The following TANC2 variants were observed in gnomAD, a reference collection of about 807,000 sequenced individuals.
TANC2 encodes the protein protein TANC2.
Under a neutral mutation model 210.5 loss-of-function variants are expected in TANC2, and 26 were observed. The observed-to-expected ratio is 0.12, with a 90% CI of 0.09 to 0.17. TANC2 has a LOEUF of 0.17. Among genes scored for constraint, TANC2 ranks in the 10% least tolerant of loss-of-function variants. TANC2 has a pLI of 1.00. For missense variants in TANC2, 2,129 were observed against 2,608.9 expected, an observed-to-expected ratio of 0.82 and a Z score of 4.01; for synonymous variants, 931 against 967.1, an observed-to-expected ratio of 0.96 and a Z score of 0.69.
chr17:63,162,490 T>A (rs1045483712), intron 5 of TANC2, among the ~76,000 whole-genome samples: 8 of 152,190 alleles, frequency 5.3e-5, no homozygotes, highest in African/African-American at 1.9e-4. Context: ...TTATTTTAAA[T>A]AAACTAGAAT....
intron 5 of TANC2, among the ~76,000 whole-genome samples, chr17:63,164,462 T>C (rs1409602695): frequency 6.6e-6 from 1 of 152,112 alleles, no homozygotes; most frequent in East Asian, 1.9e-4. Context: ...ACTGCAGTAA[T>C]TATAAGTTTT....
intron 4 of TANC2, among the ~76,000 whole-genome samples, chr17:63,101,523 T>A (rs1156484590): frequency 2.6e-5 from 4 of 152,202 alleles, no homozygotes; most frequent in Non-Finnish European, 4.4e-5. Context: ...GCAGTTTGCT[T>A]ATTATTCTTC....
intron 14 of TANC2, among the ~76,000 whole-genome samples, chr17:63,366,077 T>TA (rs1177992204): frequency 3.3e-5 from 5 of 151,982 alleles, no homozygotes; most frequent in African/African-American, 1.2e-4. Context: ...GATGACGAAC[T>TA]AATGAGCCAA....
At chr17:63,268,469 C>T (rs2043597280) in intron 9 of TANC2, among the ~76,000 whole-genome samples, 2 of 152,214 alleles carry the variant, frequency 1.3e-5, no homozygotes, top group South Asian at 4.1e-4. Flanking sequence ...CTTGTTTAGA[C>T]CCAAGTCCTA....
chr17:63,219,172 A>G (rs952155780), intron 7 of TANC2, among the ~76,000 whole-genome samples: 1 of 152,170 alleles, frequency 6.6e-6, no homozygotes, highest in Non-Finnish European at 1.5e-5. Flanking sequence ...TTAAGATGTC[A>G]ATTCTTTCTA....
intron 8 of TANC2, among the ~76,000 whole-genome samples, chr17:63,254,537 A>G (rs2043136447): frequency 6.6e-6 from 1 of 152,158 alleles, no homozygotes; most frequent in Non-Finnish European, 1.5e-5. Context: ...GAAAGTGGGC[A>G]TCCTTGTCTT....
intron 26 of TANC2, among the ~76,000 whole-genome samples, chr17:63,417,583 AAAAG>A (rs1266559134): frequency 6.6e-6 from 1 of 152,186 alleles, no homozygotes; most frequent in African/African-American, 2.4e-5. Flanking sequence ...ACCAGTTAAA[AAAAG>A]GAACAGATCA....
intron 3 of TANC2, among the ~76,000 whole-genome samples, chr17:63,097,685 C>T (rs1231083155): frequency 6.6e-6 from 1 of 151,960 alleles, no homozygotes; most frequent in Non-Finnish European, 1.5e-5. Flanking sequence ...TAAGCTTGTT[C>T]TAGATGTTAG....
At chr17:63,386,704 T>C (rs2047790225) in intron 15 of TANC2, among the ~76,000 whole-genome samples, 1 of 152,236 alleles carries the variant, frequency 6.6e-6, no homozygotes, top group African/African-American at 2.4e-5. Context: ...ACTAATGTGT[T>C]AATAGGAGTC....
intron 3 of TANC2, among the ~76,000 whole-genome samples, chr17:63,090,819 C>T (rs1703253570): frequency 6.6e-6 from 1 of 150,920 alleles, no homozygotes. Flanking sequence ...TTTACAGTCA[C>T]ACCAACAGTG....
intron 14 of TANC2, among the ~76,000 whole-genome samples, chr17:63,371,988 C>A (rs1384129311): frequency 6.6e-6 from 1 of 152,142 alleles, no homozygotes; most frequent in East Asian, 1.9e-4. Context: ...TCTCTGCTAT[C>A]CTGGATACCA....
intron 7 of TANC2, among the ~76,000 whole-genome samples, chr17:63,233,046 TTGC>T (rs2042521939): frequency 6.6e-6 from 1 of 152,202 alleles, no homozygotes; most frequent in Non-Finnish European, 1.5e-5. Context: ...TCTGCCACAG[TTGC>T]TGTGCTGCAC....
intron 6 of TANC2, 118 bp downstream of exon 6, chr17:63,194,257 C>A: frequency 1.9e-6 from 2 of 1,079,006 alleles, no homozygotes; most frequent in Non-Finnish European, 2.5e-6. Flanking sequence ...TTTCCATAAT[C>A]ACTATTATTT....
intron 11 of TANC2, chr17:63,332,310 T>C (rs760097800): frequency 3.9e-5 from 13 of 335,812 alleles, no homozygotes; most frequent in African/African-American, 6.6e-5. Context: ...CTTCCCCTGC[T>C]ATTCCTTGAC....
chr17:63,137,951 A>G (rs2039147833), intron 4 of TANC2, among the ~76,000 whole-genome samples: 2 of 152,192 alleles, frequency 1.3e-5, no homozygotes, highest in East Asian at 3.8e-4. Context: ...AAAGAATACT[A>G]TCTTTTTATA....
At chr17:63,336,791 A>G (rs2046045044) in intron 11 of TANC2, among the ~76,000 whole-genome samples, 1 of 152,232 alleles carries the variant, frequency 6.6e-6, no homozygotes, top group Admixed American at 6.5e-5. Flanking sequence ...TGAAATTTAA[A>G]CAAGTTACTT....
chr17:63,083,232 T>G (rs1193771524), intron 3 of TANC2, among the ~76,000 whole-genome samples: 1 of 152,158 alleles, frequency 6.6e-6, no homozygotes, highest in Non-Finnish European at 1.5e-5. Flanking sequence ...ACTCTGCCAG[T>G]CACTTCCTGT....
At position 63,420,007 on chromosome 17, in the gene TANC2, C is replaced by G; in HGVS notation, c.4277C>G (p.Ala1426Gly). The change falls in exon 28 of 28, where the codon GCA becomes GGA. Residue 1426 changes from alanine to glycine, a missense_variant. By Grantham distance (60) the Ala-to-Gly change is moderately conservative. Around this residue, in one of 5 missense-constraint regions of TANC2, gnomAD observed 644 missense variants for 937.5 expected, o/e 0.69. Coordinates refer to ENST00000689528, the Ensembl canonical transcript of TANC2. The surrounding 1 kb of genome is among the most constrained non-coding windows in gnomAD (Gnocchi z 4.2). ...CACATTTTGTCAAGCAGACAGTTCG[C>G]AGCAGCCTTAGAGGACCTGAACGAG... The G allele has an allele frequency of 6.5e-7, 1 of 1,540,576 alleles. No individual in the cohort carries two copies.
chr17:63,028,802 T>C (rs2034655974), intron 2 of TANC2, among the ~76,000 whole-genome samples: 1 of 152,116 alleles, frequency 6.6e-6, no homozygotes, highest in Non-Finnish European at 1.5e-5. Context: ...GCTCAATAAC[T>C]TTCTACTGAA....
Sources: allele counts gnomAD v4.1 joint callset (sites outside exome capture counted in the v4.1 genomes callset), GRCh38; gene constraint gnomAD v4.1.1; regional missense constraint gnomAD v4.1.1; non-coding constraint Gnocchi (gnomAD v3.1); transcripts MANE v1.5; gene names NCBI Gene and HGNC (gene_info 2026-07-23, HGNC 2026-07-21).